RBFOX1: variants seen among roughly 807,000 people sequenced by gnomAD.
RBFOX1 encodes RNA binding protein fox-1 homolog 1.
In RBFOX1, 8 loss-of-function variants were observed where a neutral mutation model predicts 57.7. That is an observed-to-expected ratio of 0.14 (90% confidence interval 0.08 to 0.25). RBFOX1 has a LOEUF of 0.25. Among genes scored for constraint, RBFOX1 ranks in the 10% least tolerant of loss-of-function variants. The pLI, the probability that RBFOX1 is intolerant of heterozygous loss-of-function variation, is 1.00. For synonymous variants in RBFOX1, 326 were observed against 222.4 expected (o/e 1.47, Z -4.15); for missense variants, 611 against 548.5 (o/e 1.11, Z -1.14).
chr16:5,260,440 T>C (rs1453379203), intron 1 of RBFOX1, among the ~76,000 whole-genome samples: 3 of 152,062 alleles, frequency 2.0e-5, no homozygotes, highest in East Asian at 3.9e-4. Context: ...AAGTAGCAAA[T>C]TGAATGCTGT....
chr16:7,312,358 C>A (rs1446534832), intron 4 of RBFOX1, among the ~76,000 whole-genome samples: 1 of 152,182 alleles, frequency 6.6e-6, no homozygotes, highest in Non-Finnish European at 1.5e-5. Context: ...CCAGCCTGGG[C>A]AACAAGAGTG....
chr16:5,364,757 C>T (rs192680283), intron 1 of RBFOX1, among the ~76,000 whole-genome samples: 131 of 148,032 alleles, frequency 8.8e-4, no homozygotes, highest in Non-Finnish European at 1.6e-3. Context: ...GTGGCAGACA[C>T]CTCACACATC....
chr16:5,613,206 T>C (rs1279968383), intron 3 of RBFOX1, among the ~76,000 whole-genome samples: 1 of 152,192 alleles, frequency 6.6e-6, no homozygotes, highest in Non-Finnish European at 1.5e-5. Context: ...CAAATCTTCC[T>C]TCAGGCTTCA....
chr16:6,754,704 T>G (rs1014984181), intron 3 of RBFOX1, among the ~76,000 whole-genome samples: 5 of 144,294 alleles, frequency 3.5e-5, no homozygotes, highest in African/African-American at 5.4e-5. Context: ...TGGAATGTTG[T>G]TTTTTTTTTA....
intron 4 of RBFOX1, among the ~76,000 whole-genome samples, chr16:7,259,799 A>C (rs1344247146): frequency 1.3e-5 from 2 of 152,142 alleles, no homozygotes; most frequent in African/African-American, 2.4e-5. Flanking sequence ...TTTCTTAAAA[A>C]ACTACCTTTT....
At chr16:6,952,553 A>T (rs190647860) in intron 3 of RBFOX1, among the ~76,000 whole-genome samples, 12 of 151,986 alleles carry the variant, frequency 7.9e-5, no homozygotes, top group African/African-American at 2.9e-4. Flanking sequence ...TAGGAGAATC[A>T]CTTAGGCCTG....
chr16:6,253,699 G>GTGTATA (rs71145205), intron 1 of RBFOX1, among the ~76,000 whole-genome samples: 2,691 of 142,446 alleles, frequency 0.019, 36 homozygotes, highest in South Asian at 0.034. Context: ...GTGTGTGTGT[G>GTGTATA]TATATATATA....
intron 4 of RBFOX1, among the ~76,000 whole-genome samples, chr16:7,138,071 A>G (rs1042200978): frequency 2.0e-5 from 3 of 152,116 alleles, no homozygotes; most frequent in East Asian, 1.9e-4. Context: ...GAATGAAGCA[A>G]TGTTTGGAGA....
intron 1 of RBFOX1, among the ~76,000 whole-genome samples, chr16:6,020,423 C>G (rs545425815): frequency 5.9e-5 from 9 of 152,258 alleles, no homozygotes; most frequent in African/African-American, 2.2e-4. Context: ...GAGGAGGCAT[C>G]TTAGTGACCC....
chr16:7,704,940 G>T (rs944202908), intron 14 of RBFOX1, among the ~76,000 whole-genome samples: 1 of 151,942 alleles, frequency 6.6e-6, no homozygotes, highest in Non-Finnish European at 1.5e-5. Flanking sequence ...CCAGCAACTG[G>T]GGAGGCTGAG....
Position 7,332,902 on chromosome 16 carries a change from T to G in RBFOX1, c.28-185245T>G, listed in dbSNP as rs2096717607. The G allele has an allele frequency of 3.1e-5, 49 of 1,583,330 alleles. 1 individual carries two copies. The South Asian group carries it at 5.5e-4, about 18-fold the overall frequency. On this transcript the variant is annotated intron_variant, in intron 4 of 15. Transcript: ENST00000550418. Reference sequence around the variant, plus strand: ...TGGCTCCTGACAGAAGGGATTTGGCTCCCAGCTTTGTAGTTCGGAAGAAGT... The same window carrying G: ...TGGCTCCTGACAGAAGGGATTTGGCGCCCAGCTTTGTAGTTCGGAAGAAGT...
intron 3 of RBFOX1, among the ~76,000 whole-genome samples, chr16:6,787,247 C>T (rs531838212): frequency 2.9e-4 from 44 of 152,258 alleles, no homozygotes; most frequent in Admixed American, 5.9e-4. Context: ...CTATGCAGTT[C>T]CCTAACTGAT....
At chr16:5,525,811 CT>C (rs1429562777) in intron 2 of RBFOX1, among the ~76,000 whole-genome samples, 1 of 152,050 alleles carries the variant, frequency 6.6e-6, no homozygotes, top group East Asian at 1.9e-4. Context: ...AGCCCACAGT[CT>C]TAACACAACA....
rs115701976 is a variant in RBFOX1 at position 5,991,203 on chromosome 16, C to T, written c.351+123868C>T. ...TCAGTTGACCCTCATGGCAATCCCA[C>T]TAGGTTGATTTTCATATTCCCCATT... is the stretch of plus-strand genomic sequence containing the variant. On this transcript the variant is annotated intron_variant, in intron 4 of 19. Transcript: ENST00000641259. Among the ~76,000 whole-genome samples, 730 of 152,228 alleles carry T rather than the reference C, an allele frequency of 4.8e-3. 10 individuals are homozygous for T. Among genetic ancestry groups the T allele is most frequent in the African/African-American group, 0.017 (717 of 41,512 alleles).
In RBFOX1 at chr16:5,768,715, G is replaced by A. The variant is rs536421860; in HGVS notation, c.319-98588G>A. Among the ~76,000 whole-genome samples, 5 of 152,254 alleles carry A rather than the reference G, an allele frequency of 3.3e-5. No homozygotes were observed. The South Asian group carries it at 8.3e-4, about 25-fold the overall frequency. On this transcript the variant is annotated intron_variant, in intron 3 of 19. Coordinates refer to the RBFOX1 transcript ENST00000641259. The stretch of plus-strand genomic sequence containing the variant: ...ATGATTCTGAGCCCAGCCCACGTAG[G>A]TGCTGTTGAAACAGGAGGTCAGGCC...
chr16:7,526,561 T>C (rs2078756612), intron 5 of RBFOX1, among the ~76,000 whole-genome samples: 1 of 152,144 alleles, frequency 6.6e-6, no homozygotes, highest in South Asian at 2.1e-4. Context: ...AACAACAGAG[T>C]TCTTTTCCTT....
At chr16:6,534,791 C>G (rs1360424668) in intron 2 of RBFOX1, among the ~76,000 whole-genome samples, 1 of 152,072 alleles carries the variant, frequency 6.6e-6, no homozygotes, top group Non-Finnish European at 1.5e-5. Context: ...GGTACTGGTT[C>G]ATGTATATGT....
intron 12 of RBFOX1, among the ~76,000 whole-genome samples, chr16:7,664,066 T>C (rs773608067): frequency 6.6e-6 from 1 of 152,348 alleles, no homozygotes; most frequent in Non-Finnish European, 1.5e-5. Context: ...GTGTGGGTCT[T>C]TGTTTAGTCT....
At chr16:7,672,107 C>T (rs1387218730) in intron 13 of RBFOX1, among the ~76,000 whole-genome samples, 1 of 152,192 alleles carries the variant, frequency 6.6e-6, no homozygotes, top group African/African-American at 2.4e-5. Context: ...TAACATAACC[C>T]TCCCTGGTCT....
Sources: allele counts gnomAD v4.1 joint callset (sites outside exome capture counted in the v4.1 genomes callset), GRCh38; gene constraint gnomAD v4.1.1; transcripts MANE v1.5; gene names NCBI Gene and HGNC (gene_info 2026-07-23, HGNC 2026-07-21).